WASHC2A: variants seen among roughly 807,000 people sequenced by gnomAD.
WASHC2A encodes the protein WASH complex subunit 2A, also known as WASH complex subunit FAM21A.
WASHC2A carries 82 observed loss-of-function variants against 140.3 expected under a neutral mutation model. The ratio of observed to expected loss-of-function variants is 0.58; its 90% CI spans 0.49 to 0.70. WASHC2A has a LOEUF of 0.70. Ranked by LOEUF, WASHC2A falls within the 30% of genes least tolerant of loss-of-function variation. The pLI, the probability that WASHC2A is intolerant of heterozygous loss-of-function variation, is 0.00. For synonymous variants in WASHC2A, 340 were observed against 560.8 expected, an observed-to-expected ratio of 0.61 and a Z score of 5.56; for missense variants, 985 against 1,521.8, an observed-to-expected ratio of 0.65 and a Z score of 5.87.
chr10:50,078,385 A>G (rs1225453499), intron 3 of WASHC2A, among the ~76,000 whole-genome samples: 3 of 152,146 alleles, frequency 2.0e-5, no homozygotes, highest in South Asian at 2.1e-4. Flanking sequence ...GTGAAAACTG[A>G]TATCTTACTG....
intron 3 of WASHC2A, among the ~76,000 whole-genome samples, chr10:50,072,531 G>C (rs1352568145): frequency 8.5e-6 from 1 of 117,046 alleles, no homozygotes; most frequent in African/African-American, 3.2e-5. Flanking sequence ...CTGTCGCCCA[G>C]ACTGGAGTGC....
rs2132616634 is a variant in WASHC2A at position 50,095,154 on chromosome 10, C to T, written c.1187C>T (p.Ser396Leu). Reference protein sequence around the residue: ...QAGASVKEESSSSKPGKKIPA... With the variant: ...QAGASVKEESLSSKPGKKIPA... ...CCTTGCTTTCTCATTCTAGAGTCTT[C>T]ATCATCCAAACCTGGAAAGAAAATC... is the stretch of plus-strand genomic sequence containing the variant. The change falls in exon 14 of 31, where the codon TCA becomes TTA. Residue 396 changes from serine (S) to leucine (L), a missense_variant. Coordinates refer to ENST00000282633, the MANE Select transcript of WASHC2A (RefSeq NM_001005751.3). 1 of 1,581,124 alleles carries T rather than the reference C, an allele frequency of 6.3e-7. No homozygotes were observed. Among genetic ancestry groups the T allele is most frequent in the Non-Finnish European group, 8.6e-7 (1 of 1,161,164 alleles).
At chr10:50,092,363 T>G (rs1275501238) in intron 11 of WASHC2A, 130 bp downstream of exon 11, 1 of 1,513,406 alleles carries the variant, frequency 6.6e-7, no homozygotes, top group African/African-American at 1.4e-5. Context: ...CATTTACTTT[T>G]CTAAAGCCTC....
chr10:50,100,346 G>A (rs1417612775), intron 17 of WASHC2A, among the ~76,000 whole-genome samples: 4 of 151,424 alleles, frequency 2.6e-5, no homozygotes, highest in Non-Finnish European at 3.0e-5. Context: ...GCTGGGTATG[G>A]TGGTGCGAGC....
intron 2 of WASHC2A, 176 bp from the exon 3 acceptor site, chr10:50,069,371 A>T: frequency 1.1e-6 from 1 of 933,564 alleles, no homozygotes; most frequent in Middle Eastern, 3.7e-4. Context: ...GTGAGCCGAG[A>T]TGGCGCCATT....
In WASHC2A at chr10:50,129,501, A is replaced by C; in HGVS notation, c.3170A>C (p.Glu1057Ala). The change falls in exon 29 of 31, where the codon GAG becomes GCG. Residue 1057 changes from glutamate (E) to alanine (A), a missense_variant. Transcript: ENST00000282633. The part of the protein sequence containing the change: ...RLAAQESSET[E>A]DMSVPRGPIA... The stretch of plus-strand genomic sequence containing the variant: ...GCTGCTCAGGAGTCCAGCGAGACTG[A>C]GGACATGAGCGTCCCCAGAGGACCC... 1 of 1,612,052 alleles carries C rather than the reference A, an allele frequency of 6.2e-7. No individual in the cohort carries two copies. The highest frequency in any genetic ancestry group is 8.5e-7 in the Non-Finnish European group (1 of 1,179,860).
intron 15 of WASHC2A, among the ~76,000 whole-genome samples, chr10:50,097,007 A>G (rs4628632): frequency 0.4 from 47,773 of 118,288 alleles, 13,815 homozygotes; most frequent in East Asian, 0.67. Context: ...TCAGTGGACT[A>G]TTCTGTGACA....
At chr10:50,076,514 T>C (rs1838325941) in intron 3 of WASHC2A, among the ~76,000 whole-genome samples, 1 of 152,106 alleles carries the variant, frequency 6.6e-6, no homozygotes, top group Non-Finnish European at 1.5e-5. Flanking sequence ...TAAAGATGGG[T>C]GGACAGGAGC....
At chr10:50,082,284 G>A (rs1194950636) in intron 5 of WASHC2A, among the ~76,000 whole-genome samples, 1 of 150,536 alleles carries the variant, frequency 6.6e-6, no homozygotes, top group Non-Finnish European at 1.5e-5. Flanking sequence ...TTGCTGTGAC[G>A]TCGTTGAACC....
chr10:50,107,472 G>T (rs879167885), intron 19 of WASHC2A, among the ~76,000 whole-genome samples: 40,456 of 149,128 alleles, frequency 0.27, 5,823 homozygotes, highest in Middle Eastern at 0.39. Flanking sequence ...ATCCTGAGTA[G>T]TAAACATCTT....
rs1054420897 is a variant in WASHC2A at position 50,127,871 on chromosome 10, T to C, written c.3087+76T>C. 6 of 1,002,498 alleles carry C rather than the reference T, an allele frequency of 6.0e-6. No homozygotes were observed. In the African/African-American group the frequency reaches 8.0e-5, roughly 13 times the overall value. The allele number at this position is 1,002,498 out of a possible 1,614,324, so 62.1% of individuals were successfully genotyped here. A position where few individuals can be genotyped will look rare whatever the true frequency, so the allele number is the denominator to read the frequency against. ...CATATGCTTCTTTCTAGTTTATCAG[T>C]TGCATACACAGCAGTCTTTGACTCT... On this transcript the variant is annotated intron_variant, in intron 28 of 30. Transcript: ENST00000282633.
chr10:50,084,103 T>A lies in WASHC2A; in HGVS notation c.560T>A (p.Leu187His). 1 of 1,611,750 alleles carries A rather than the reference T, an allele frequency of 6.2e-7. No individual in the cohort carries two copies. Among genetic ancestry groups the A allele is most frequent in the Non-Finnish European group, 8.5e-7 (1 of 1,179,822 alleles). Residue 187 changes from leucine (L) to histidine (H), a missense_variant, in exon 6 of 31, where the codon CTC becomes CAC. Physicochemically the swap from Leu to His is moderately conservative, Grantham distance 99. Transcript: ENST00000282633. ...DLYIDRPLPY[L>H]IGSKLFMEQE... ...TACATTGATCGTCCTTTACCATATC[T>A]CATTGGGTCAAAGCTGTTCATGGAA...
intron 16 of WASHC2A, among the ~76,000 whole-genome samples, chr10:50,098,964 G>C (rs1436288173): frequency 0.011 from 1,669 of 151,076 alleles, 34 homozygotes; most frequent in African/African-American, 0.039. Flanking sequence ...CATTGGAAAG[G>C]TACCCTGTCC....
chr10:50,069,636 C>T lies in WASHC2A; in HGVS notation c.216C>T (p.Thr72=), dbSNP rs1416788439. 1 of 1,613,944 alleles carries T rather than the reference C, an allele frequency of 6.2e-7. No individual in the cohort carries two copies. Among genetic ancestry groups the T allele is most frequent in the South Asian group, 1.1e-5 (1 of 91,072 alleles). Residue 72 remains threonine (T), a synonymous_variant, in exon 3 of 31, where the codon ACC becomes ACT. Transcript: ENST00000282633. Reference sequence around the variant, plus strand: ...AAGTGGACGGACTAATTCGGGAAACCAAAGCCACAGATTGTCGCCTGCATA... The same window carrying T: ...AAGTGGACGGACTAATTCGGGAAACTAAAGCCACAGATTGTCGCCTGCATA... ...KKQVDGLIRE[T]KATDCRLHNV...
chr10:50,088,958 CTTTTTTTTTTTTTTT>C (rs1210204220), intron 8 of WASHC2A, among the ~76,000 whole-genome samples: 1 of 41,386 alleles, frequency 2.4e-5, no homozygotes, highest in Non-Finnish European at 4.5e-5. Context: ...TTTTTCTTTC[CTTTTTTTTTTTTTTT>C]TTTTTTTTTG....
At chr10:50,094,970 A>T (rs1554884205) in intron 13 of WASHC2A, among the ~76,000 whole-genome samples, 178 bp from the exon 14 acceptor site, 1 of 152,172 alleles carries the variant, frequency 6.6e-6, no homozygotes, top group African/African-American at 2.4e-5. Context: ...CCCAAAAAAA[A>T]GTCCTGACAT....
chr10:50,095,205 T>C lies in WASHC2A; in HGVS notation c.1238T>C (p.Leu413Ser). 1 of 1,578,318 alleles carries C rather than the reference T, an allele frequency of 6.3e-7. No individual in the cohort carries two copies. The highest frequency in any genetic ancestry group is 8.6e-7 in the Non-Finnish European group (1 of 1,159,498). The change falls in exon 14 of 31, where the codon TTA becomes TCA. Residue 413 changes from leucine to serine, a missense_variant and splice_region_variant. Leu to Ser is a moderately radical substitution (Grantham distance 145). Transcript: ENST00000282633. Reference sequence around the variant, plus strand: ...CCAGCAGGAGCTGTTTCTGTATTTTTAGGTAACATAACTTAGGTTTGTTTT... The same window carrying C: ...CCAGCAGGAGCTGTTTCTGTATTTTCAGGTAACATAACTTAGGTTTGTTTT... ...KIPAGAVSVF[L>S]GDTDVFGAAS...
Position 50,091,525 on chromosome 10 carries a change from C to T in WASHC2A, c.931+7C>T, listed in dbSNP as rs1356851115. 66 of 1,549,562 alleles carry T rather than the reference C, an allele frequency of 4.3e-5. No individual in the cohort carries two copies. The highest frequency in any genetic ancestry group is 5.6e-5 in the Non-Finnish European group (64 of 1,146,864). ...GTGGACGAGGAGCCGACAAGTGAGC[C>T]CCAGCCGCGTTGATGGGGAGTAGGG... On this transcript the variant is annotated splice_region_variant and intron_variant, in intron 10 of 30. Coordinates refer to ENST00000282633, the MANE Select transcript of WASHC2A (RefSeq NM_001005751.3).
intron 3 of WASHC2A, among the ~76,000 whole-genome samples, chr10:50,070,493 A>C (rs1202442341): frequency 6.6e-6 from 1 of 152,224 alleles, no homozygotes; most frequent in African/African-American, 2.4e-5. Context: ...TTAGATATAA[A>C]GTAATAAAAT....
Sources: allele counts gnomAD v4.1 joint callset (sites outside exome capture counted in the v4.1 genomes callset), GRCh38; gene constraint gnomAD v4.1.1; transcripts MANE v1.5; gene names NCBI Gene and HGNC (gene_info 2026-07-23, HGNC 2026-07-21).